REXO1: variants seen among roughly 807,000 people sequenced by gnomAD.
REXO1 encodes the protein RNA exonuclease 1 homolog, also known as REX1, RNA exonuclease 1 homolog.
In REXO1, 42 loss-of-function variants were observed where a neutral mutation model predicts 102.6. That is an observed-to-expected ratio of 0.41 (90% CI 0.32 to 0.53). The LOEUF (loss-of-function observed/expected upper bound fraction) is 0.53, where lower values mean the gene tolerates loss of function less well. Ranked by LOEUF, REXO1 falls within the 20% of genes least tolerant of loss-of-function variation. The probability of loss-of-function intolerance (pLI) is 0.27; values close to 1 mark genes in which losing one functional copy is unlikely to be tolerated. For missense variants in REXO1, 1,819 were observed against 1,732.5 expected (o/e 1.05, Z -0.89); for synonymous variants, 908 against 779.1 (o/e 1.17, Z -2.76).
In REXO1 at chr19:1,816,784, C is replaced by T. The variant is rs1053301021; in HGVS notation, c.3231G>A (p.Thr1077=). The change falls in exon 13 of 16, where the codon ACG becomes ACA. Residue 1077 remains threonine (T), a synonymous_variant. Transcript: ENST00000170168. The part of the protein sequence containing the change: ...MSYTTYGLEL[T]RVTVVDTDVH... ...CGTCCGTGTCGACCACCGTGACGCG[C>T]GTCAGCTCCAGGCCATATGTGGTGT... 9 of 1,612,822 alleles carry T rather than the reference C, an allele frequency of 5.6e-6. 1 individual carries two copies. Among genetic ancestry groups the T allele is most frequent in the South Asian group, 5.5e-5 (5 of 91,080 alleles).
Position 1,823,803 on chromosome 19 carries a change from C to CTAA in REXO1, c.2017-21_2017-19dup, listed in dbSNP as rs1161773452. 1 of 1,192,104 alleles carries CTAA rather than the reference C, an allele frequency of 8.4e-7. No homozygotes were observed. Among genetic ancestry groups the CTAA allele is most frequent in the Non-Finnish European group, 1.1e-6 (1 of 943,476 alleles). 73.8% of individuals were successfully genotyped at this position (1,192,104 alleles called of 1,614,324 possible). Reference sequence around the variant, plus strand: ...GGCTCCACCTGCGTCACCACAAATGCTAAGGCCTGGCAGCACAGCGGGGGC... The same window carrying CTAA: ...GGCTCCACCTGCGTCACCACAAATGCTAATAAGGCCTGGCAGCACAGCGGGGGC... On this transcript the variant is annotated intron_variant, in intron 3 of 15. Coordinates refer to ENST00000170168, the MANE Select transcript of REXO1 (RefSeq NM_020695.4).
chr19:1,821,382 G>A (rs1339498001), intron 5 of REXO1, 137 bp downstream of exon 5: 1 of 960,792 alleles, frequency 1.0e-6, no homozygotes, highest in Non-Finnish European at 1.6e-6. Context: ...GGGGAGGGAA[G>A]GTGAAGGCTG....
At position 1,827,005 on chromosome 19, in the gene REXO1, G is replaced by C; in HGVS notation, c.1784C>G (p.Ala595Gly). The change falls in exon 2 of 16, where the codon GCG becomes GGG. Residue 595 changes from alanine (A) to glycine (G), a missense_variant. Transcript: ENST00000170168. The part of the protein sequence containing the change: ...SSSSSTSSAG[A>G]DVDYSALEKE... ...CTCCAGGGCCGAGTAGTCCACATCC[G>C]CCCCCGCGCTGGAGGTGGAGGAGGA... 7.4e-7 allele frequency: 1 copy of C among 1,355,224 alleles called. No homozygotes were observed. 83.9% of individuals were successfully genotyped at this position (1,355,224 alleles called of 1,614,324 possible).
In REXO1 at chr19:1,816,415, C is replaced by T. The variant is rs1176461462; in HGVS notation, c.3456+16G>A. 13 of 1,608,382 alleles carry T rather than the reference C, an allele frequency of 8.1e-6. No homozygotes were observed. The highest frequency in any genetic ancestry group is 2.7e-5 in the African/African-American group (2 of 74,788). On this transcript the variant is annotated intron_variant, in intron 14 of 15. Transcript: ENST00000170168. ...TCCTGCTGGAGAACCGCGCGGGACC[C>T]GGGCCGGCAGGGCACCTTCAGGGCC...
intron 1 of REXO1, among the ~76,000 whole-genome samples, chr19:1,841,688 A>G (rs1331137820): frequency 2.6e-5 from 4 of 152,174 alleles, no homozygotes; most frequent in Non-Finnish European, 5.9e-5. Flanking sequence ...CAGTCCCTGG[A>G]GGAGACGGTA....
chr19:1,824,400 G>C (rs1327846805), intron 3 of REXO1: 2 of 152,282 alleles, frequency 1.3e-5, no homozygotes, highest in African/African-American at 4.8e-5. Flanking sequence ...CTAACAGGAA[G>C]GGGCAGGGCC....
In REXO1 at chr19:1,816,331, G is replaced by A. The variant is rs139590793; in HGVS notation, c.3471C>T (p.Thr1157=). 16 of 1,591,346 alleles carry A rather than the reference G, an allele frequency of 1.0e-5. No individual in the cohort carries two copies. Among genetic ancestry groups the A allele is most frequent in the Admixed American group, 7.0e-5 (4 of 57,246 alleles). The change falls in exon 15 of 16, where the codon ACC becomes ACT. Residue 1157 remains threonine (T), a synonymous_variant. Transcript: ENST00000170168. ...GGAAGAGCACAGACGTGTCCACCAC[G>A]GTGCTGTGGATGACCTGTGGGCAGC... is the stretch of plus-strand genomic sequence containing the variant. ...DLLALKVIHS[T]VVDTSVLFPH... is the part of the protein sequence containing the mutation.
intron 10 of REXO1, 55 bp downstream of exon 10, chr19:1,818,427 G>A: frequency 7.3e-7 from 1 of 1,373,682 alleles, no homozygotes; most frequent in South Asian, 1.3e-5. Context: ...TCAAGGGAGG[G>A]CCCAGGTTCC....
chr19:1,823,537 G>A, intron 4 of REXO1, 35 bp downstream of exon 4: 1 of 1,270,352 alleles, frequency 7.9e-7, no homozygotes, highest in South Asian at 2.7e-5. Flanking sequence ...CATGCCCACG[G>A]CCCCCCGGCA....
chr19:1,842,705 G>C (rs921428145), intron 1 of REXO1, among the ~76,000 whole-genome samples: 1 of 152,244 alleles, frequency 6.6e-6, no homozygotes, highest in Non-Finnish European at 1.5e-5. Context: ...CTCAAGCACA[G>C]CAAGCCCGGG....
Position 1,825,943 on chromosome 19 carries a change from G to A in REXO1, c.1912C>T (p.Pro638Ser), listed in dbSNP as rs140700296. The A allele has an allele frequency of 6.2e-7, 1 of 1,607,058 alleles. No individual in the cohort carries two copies. The highest frequency in any genetic ancestry group is 8.5e-7 in the Non-Finnish European group (1 of 1,174,138). Residue 638 changes from proline (P) to serine (S), a missense_variant and splice_region_variant, in exon 3 of 16, where the codon CCC (proline) becomes TCC (serine). Physicochemically the swap from Pro to Ser is moderately conservative, Grantham distance 74 (BLOSUM62 -1). Coordinates refer to ENST00000170168, the MANE Select transcript of REXO1 (RefSeq NM_020695.4). ...TEDRGRLARQ[P>S]PKEEKSEEKG... is the part of the protein sequence containing the mutation. ...TCCTCACTCTTCTCTTCCTTGGGGG[G>A]CTAAGACACATGTCCGTCCGTCAGC... is the stretch of plus-strand genomic sequence containing the variant.
chr19:1,835,599 G>C (rs1244817232), intron 1 of REXO1, among the ~76,000 whole-genome samples: 1 of 152,150 alleles, frequency 6.6e-6, no homozygotes, highest in Non-Finnish European at 1.5e-5. Context: ...TGCCGACTCT[G>C]GAAGTAGGAG....
At chr19:1,821,984 G>A in intron 4 of REXO1, 1 of 541,668 alleles carries the variant, frequency 1.8e-6, no homozygotes, top group Non-Finnish European at 3.2e-6. Context: ...GATGTCTGAG[G>A]GAAAGGCCCT....
chr19:1,828,712 G>T (rs1459281203), intron 1 of REXO1, 81 bp from the exon 2 acceptor site: 2 of 1,452,128 alleles, frequency 1.4e-6, no homozygotes, highest in Non-Finnish European at 1.8e-6. Context: ...GTCTCAAACT[G>T]CAGGGAAGGG....
rs1472410221 is a variant in REXO1 at position 1,818,935 on chromosome 19, A to T, written c.2764+83T>A. 4 of 1,572,040 alleles carry T rather than the reference A, an allele frequency of 2.5e-6. No individual in the cohort carries two copies. The East Asian group carries it at 6.8e-5, about 27-fold the overall frequency. ...AAGGCGGCTGGGCCGGCAGGGGCCC[A>T]CGAAGCACCGTGTGGCACAGCAGGG... On this transcript the variant is annotated intron_variant, in intron 8 of 15. Transcript: ENST00000170168.
Position 1,815,598 on chromosome 19 carries a change from C to T in REXO1, c.*468G>A. On this transcript the variant is annotated 3_prime_UTR_variant, in exon 16 of 16. Coordinates refer to ENST00000170168, the MANE Select transcript of REXO1 (RefSeq NM_020695.4). The surrounding 1 kb of genome is among the most constrained non-coding windows in gnomAD (Gnocchi z 4.0). ...AGGGAAGGCAGCAGGCCCGCTCTTC[C>T]CGGTGGGAAAGATGCTGTGCAAGTC... is the stretch of plus-strand genomic sequence containing the variant. 2 of 996,384 alleles carry T rather than the reference C, an allele frequency of 2.0e-6. No homozygotes were observed. Among genetic ancestry groups the T allele is most frequent in the East Asian group, 1.4e-4 (2 of 14,688 alleles). 61.7% of individuals were successfully genotyped at this position (996,384 alleles called of 1,614,324 possible).
chr19:1,823,628 G>C lies in REXO1; in HGVS notation c.2174C>G (p.Ser725Cys). The part of the protein sequence containing the change: ...LAEKSPSVHI[S>C]APGEKRRIAH... ...GATCCTCCTCTTCTCGCCAGGGGCGGAAATGTGGACGGAGGGCGACTTCTC... is the reference window on the plus strand; with the variant it reads ...GATCCTCCTCTTCTCGCCAGGGGCGCAAATGTGGACGGAGGGCGACTTCTC... The change falls in exon 4 of 16, where the codon TCC becomes TGC. Residue 725 changes from serine (S) to cysteine (C), a missense_variant. Ser to Cys is a moderately radical substitution (Grantham distance 112, BLOSUM62 -1). Coordinates refer to ENST00000170168, the MANE Select transcript of REXO1 (RefSeq NM_020695.4). 7.6e-7 allele frequency: 1 copy of C among 1,318,096 alleles called. No individual in the cohort carries two copies. Among genetic ancestry groups the C allele is most frequent in the Non-Finnish European group, 9.8e-7 (1 of 1,025,238 alleles). 81.7% of individuals were successfully genotyped at this position (1,318,096 alleles called of 1,614,324 possible). A position where few individuals can be genotyped will look rare whatever the true frequency, so the allele number is the denominator to read the frequency against.
intron 1 of REXO1, among the ~76,000 whole-genome samples, chr19:1,846,469 G>A (rs1204372634): frequency 1.3e-5 from 2 of 152,230 alleles, no homozygotes; most frequent in Non-Finnish European, 2.9e-5. Flanking sequence ...GCCATGGTAA[G>A]AGGCAGGCAG....
At chr19:1,842,206 T>G (rs1241229506) in intron 1 of REXO1, among the ~76,000 whole-genome samples, 1 of 140,050 alleles carries the variant, frequency 7.1e-6, no homozygotes, top group Non-Finnish European at 1.5e-5. Context: ...AGAGCCAGAT[T>G]CCGTTGCAAA....
Sources: gnomAD v4.1 joint callset for allele counts (sites outside exome capture counted in the v4.1 genomes callset) on GRCh38, gnomAD v4.1.1 for gene constraint, Gnocchi (gnomAD v3.1) non-coding constraint, MANE v1.5 for transcripts, NCBI Gene and HGNC (gene_info 2026-07-23, HGNC 2026-07-21) for gene names.